RPF2: variants seen among roughly 807,000 people sequenced by gnomAD.
RPF2 encodes ribosome production factor 2 homolog.
RPF2 carries 21 observed loss-of-function variants against 38.9 expected under a neutral mutation model. That is an observed-to-expected ratio of 0.54 (90% CI 0.38 to 0.78). RPF2 has a LOEUF of 0.78. RPF2 is among the 30% of genes least tolerant of loss of function. The pLI is 0.00. For synonymous variants in RPF2, 121 were observed against 126.2 expected (o/e 0.96, Z 0.28); for missense variants, 314 against 358.1 (o/e 0.88, Z 0.99).
chr6:111,023,025 A>G (rs1370778225), intron 8 of RPF2, among the ~76,000 whole-genome samples: 3 of 152,188 alleles, frequency 2.0e-5, no homozygotes, highest in Non-Finnish European at 4.4e-5. Flanking sequence ...CAGCCTCCCG[A>G]GTAGCTGGGA....
chr6:110,984,546 A>T (rs1456333245), intron 1 of RPF2, among the ~76,000 whole-genome samples: 2 of 152,160 alleles, frequency 1.3e-5, no homozygotes, highest in Admixed American at 1.3e-4. Context: ...ATCTACCAAA[A>T]AAGTGAGATT....
chr6:110,995,691 G>A (rs2114306935), intron 4 of RPF2, among the ~76,000 whole-genome samples: 1 of 152,282 alleles, frequency 6.6e-6, no homozygotes, highest in South Asian at 2.1e-4. Flanking sequence ...GCGGGATGTG[G>A]AGACTACAGG....
intron 6 of RPF2, among the ~76,000 whole-genome samples, chr6:111,001,362 A>G (rs1299516984): frequency 6.6e-6 from 1 of 151,910 alleles, no homozygotes; most frequent in Non-Finnish European, 1.5e-5. Context: ...GGAAGCCCTC[A>G]TATTATTTTT....
chr6:110,989,456 C>T (rs1039074550), intron 3 of RPF2, among the ~76,000 whole-genome samples: 1 of 152,124 alleles, frequency 6.6e-6, no homozygotes, highest in Non-Finnish European at 1.5e-5. Flanking sequence ...ACCAGTTTTT[C>T]TTTTTTCCTT....
chr6:110,999,914 C>T lies in RPF2; in HGVS notation c.393+127C>T. 3 of 559,808 alleles carry T rather than the reference C, an allele frequency of 5.4e-6. No individual in the cohort carries two copies. The South Asian group carries it at 7.8e-5, about 15-fold the overall frequency. 34.7% of individuals were successfully genotyped at this position (559,808 alleles called of 1,614,324 possible). On this transcript the variant is annotated intron_variant, in intron 6 of 9. Coordinates refer to ENST00000441448, the MANE Select transcript of RPF2 (RefSeq NM_032194.3). ...CTTTGTGTTTTTATTTTGACATGCT[C>T]CAGGATAAAAATACAATTTTATTTT...
At position 111,027,986 on chromosome 6, in the gene RPF2, T is replaced by C. The variant is rs1772364144; in HGVS notation, c.*2404T>C. On this transcript the variant is annotated 3_prime_UTR_variant, in exon 10 of 10. Transcript: ENST00000441448. ...TATGTATTCATTTCAATGGAGGTGG[T>C]AAATTGCCTGTTTTAAGTTTTACTT... 1 of 152,220 alleles carries C rather than the reference T, an allele frequency of 6.6e-6. No homozygotes were observed. Among genetic ancestry groups the C allele is most frequent in the Non-Finnish European group, 1.5e-5 (1 of 68,032 alleles). The allele number at this position is 152,220 out of a possible 1,614,324, so 9.4% of individuals were successfully genotyped here.
intron 6 of RPF2, among the ~76,000 whole-genome samples, chr6:111,000,324 C>T (rs1027750499): frequency 1.3e-5 from 2 of 152,076 alleles, no homozygotes; most frequent in Admixed American, 6.6e-5. Flanking sequence ...TCCCATGTTG[C>T]CTAGGCTGGT....
intron 2 of RPF2, among the ~76,000 whole-genome samples, chr6:110,986,085 C>G (rs1771520559): frequency 1.3e-5 from 2 of 152,032 alleles, no homozygotes; most frequent in South Asian, 4.1e-4. Context: ...GAAGTTTGTG[C>G]AAAAGGGAGT....
intron 6 of RPF2, among the ~76,000 whole-genome samples, chr6:111,006,516 C>A (rs190369755): frequency 6.6e-6 from 1 of 151,956 alleles, no homozygotes; most frequent in Non-Finnish European, 1.5e-5. Context: ...GGATTATAGG[C>A]GTGAACCACT....
intron 8 of RPF2, among the ~76,000 whole-genome samples, chr6:111,022,116 G>A (rs1772244453): frequency 6.6e-6 from 1 of 152,172 alleles, no homozygotes; most frequent in African/African-American, 2.4e-5. Flanking sequence ...TGCCACATGT[G>A]CCTTTGCACA....
intron 8 of RPF2, among the ~76,000 whole-genome samples, chr6:111,021,701 C>A (rs937681994): frequency 6.6e-6 from 1 of 152,158 alleles, no homozygotes; most frequent in African/African-American, 2.4e-5. Flanking sequence ...AAGGGGTACT[C>A]ATAGATGGGC....
chr6:111,020,704 T>C (rs6923852), intron 8 of RPF2, among the ~76,000 whole-genome samples: 119,240 of 151,880 alleles, frequency 0.79, 47,416 homozygotes, highest in East Asian at 1. Context: ...CTACTAAAAA[T>C]ATAAAAATTA....
chr6:110,984,732 C>G (rs533685236), intron 1 of RPF2, among the ~76,000 whole-genome samples: 1 of 151,896 alleles, frequency 6.6e-6, no homozygotes, highest in Non-Finnish European at 1.5e-5. Flanking sequence ...TCTAGCTACT[C>G]GGGAGGCTGA....
At chr6:110,982,520 A>G (rs1771450075) in intron 1 of RPF2, 2 of 235,706 alleles carry the variant, frequency 8.5e-6, no homozygotes, top group South Asian at 7.1e-5. Flanking sequence ...AAATATCTCT[A>G]AATCTTAGCT....
At chr6:110,989,491 G>A (rs187600851) in intron 3 of RPF2, among the ~76,000 whole-genome samples, 22 of 152,108 alleles carry the variant, frequency 1.4e-4, no homozygotes, top group Admixed American at 7.2e-4. Context: ...TCCTGTTGTC[G>A]CCCGGCTGGA....
At chr6:111,020,894 C>T (rs974979666) in intron 8 of RPF2, among the ~76,000 whole-genome samples, 4 of 152,068 alleles carry the variant, frequency 2.6e-5, no homozygotes, top group South Asian at 2.1e-4. Context: ...AGGCCGGGCA[C>T]GGTGGCTCAT....
rs1772347083 is a variant in RPF2 at position 111,027,177 on chromosome 6, T to G, written c.*1595T>G. ...ACTAAGCAAAAGTTCGAGCCTCAGC[T>G]TTACCTTCTACCCTTTCCCTTCTCT... On this transcript the variant is annotated 3_prime_UTR_variant, in exon 10 of 10. Coordinates refer to ENST00000441448, the MANE Select transcript of RPF2 (RefSeq NM_032194.3). 2 of 152,236 alleles carry G rather than the reference T, an allele frequency of 1.3e-5. 1 individual carries two copies. Among genetic ancestry groups the G allele is most frequent in the South Asian group, 4.1e-4 (2 of 4,830 alleles). 9.4% of individuals were successfully genotyped at this position (152,236 alleles called of 1,614,324 possible).
chr6:110,995,603 A>G (rs571835486), intron 4 of RPF2, among the ~76,000 whole-genome samples: 29 of 152,292 alleles, frequency 1.9e-4, no homozygotes, highest in African/African-American at 6.0e-4. Flanking sequence ...AGGCTTTCCA[A>G]TTGATTTCTG....
chr6:110,987,553 A>C (rs1771544970), intron 2 of RPF2, among the ~76,000 whole-genome samples: 1 of 152,218 alleles, frequency 6.6e-6, no homozygotes, highest in Non-Finnish European at 1.5e-5. Flanking sequence ...CTTTAAAAGC[A>C]GCACAATATT....
Sources: gnomAD v4.1 joint callset for allele counts (sites outside exome capture counted in the v4.1 genomes callset) on GRCh38, gnomAD v4.1.1 for gene constraint, MANE v1.5 for transcripts, NCBI Gene and HGNC (gene_info 2026-07-23, HGNC 2026-07-21) for gene names.